The following CHST15 variants were observed in gnomAD, a reference collection of about 807,000 sequenced individuals.
The protein encoded by CHST15 is B cell RAG associated protein (GALNAC4S-6ST).
Under a neutral mutation model 53.6 loss-of-function variants are expected in CHST15, and 30 were observed. The observed-to-expected ratio is 0.56, with a 90% CI of 0.42 to 0.76. The LOEUF (loss-of-function observed/expected upper bound fraction) is 0.76, where lower values mean the gene tolerates loss of function less well. Among genes scored for constraint, CHST15 ranks in the 30% least tolerant of loss-of-function variants. The probability of loss-of-function intolerance (pLI) is 0.00; values close to 1 mark genes in which losing one functional copy is unlikely to be tolerated. For synonymous variants in CHST15, 296 were observed against 289.8 expected, an observed-to-expected ratio of 1.02 and a Z score of -0.22; for missense variants, 627 against 740.5, an observed-to-expected ratio of 0.85 and a Z score of 1.78.
chr10:124,045,578 C>T, intron 2 of CHST15, 89 bp downstream of exon 2: 1 of 1,307,268 alleles, frequency 7.6e-7, no homozygotes, highest in Non-Finnish European at 1.1e-6. Context: ...AGTCATTTTC[C>T]TTCTGTGTTC....
At position 124,036,142 on chromosome 10, in the gene CHST15, G is replaced by A. The variant is rs193166941; in HGVS notation, c.1190+2373C>T. ...GCGCCCTTCAGCTGGGGGCCGTGTCGGGGAGGGAGGCAGAGCAGCTATGCA... is the reference window on the plus strand; with the variant it reads ...GCGCCCTTCAGCTGGGGGCCGTGTCAGGGAGGGAGGCAGAGCAGCTATGCA... On this transcript the variant is annotated intron_variant, in intron 5 of 7. Coordinates refer to ENST00000435907, the MANE Select transcript of CHST15 (RefSeq NM_001270764.2). This position sits in a 1 kb window ranked among gnomAD's most constrained non-coding sequence, Gnocchi z 5.1. 1.3e-3 allele frequency among the ~76,000 whole-genome samples: 195 copies of A among 152,356 alleles called. 1 individual carries two copies. Among genetic ancestry groups the A allele is most frequent in the African/African-American group, 4.5e-3 (188 of 41,586 alleles).
chr10:124,082,034 G>T (rs376733893), intron 1 of CHST15, among the ~76,000 whole-genome samples: 5 of 152,220 alleles, frequency 3.3e-5, no homozygotes, highest in Admixed American at 2.0e-4. Flanking sequence ...ACAAGGTGCT[G>T]TTCTTATTCG....
At chr10:124,067,620 G>T (rs4929793) in intron 1 of CHST15, among the ~76,000 whole-genome samples, 104,925 of 152,132 alleles carry the variant, frequency 0.69, 36,539 homozygotes, top group African/African-American at 0.78. Context: ...TGGTTTTTGT[G>T]TTTTTGGTTT....
chr10:124,068,603 A>G (rs1178389996), intron 1 of CHST15, among the ~76,000 whole-genome samples: 3 of 152,228 alleles, frequency 2.0e-5, no homozygotes, highest in Non-Finnish European at 2.9e-5. Flanking sequence ...TCCGAAATGA[A>G]TTACTTTGCT....
chr10:124,070,546 T>C (rs533120040), intron 1 of CHST15, among the ~76,000 whole-genome samples: 2 of 148,216 alleles, frequency 1.3e-5, no homozygotes, highest in Admixed American at 1.3e-4. Context: ...GCTCAGCTGA[T>C]TTTTTTTTTA....
At chr10:124,088,510 T>C (rs186370955) in intron 1 of CHST15, among the ~76,000 whole-genome samples, 1 of 152,284 alleles carries the variant, frequency 6.6e-6, no homozygotes, top group Admixed American at 6.5e-5. Context: ...ACTTAACCAC[T>C]TGCTGATTCA....
At position 124,020,689 on chromosome 10, in the gene CHST15, G is replaced by A. The variant is rs1946746326; in HGVS notation, c.1347+567C>T. ...ACAGCCAGCCCAGGGAGCCCAGCAT[G>A]GAAAACTATCCCGGGGCTAAAAGGT... is the stretch of plus-strand genomic sequence containing the variant. On this transcript the variant is annotated intron_variant, in intron 6 of 7. Transcript: ENST00000435907. 20 of 996,912 alleles carry A rather than the reference G, an allele frequency of 2.0e-5. No homozygotes were observed. In the South Asian group the frequency reaches 4.5e-4, roughly 22 times the overall value. The allele number at this position is 996,912 out of a possible 1,614,324, so 61.8% of individuals were successfully genotyped here.
intron 1 of CHST15, among the ~76,000 whole-genome samples, chr10:124,091,141 G>A (rs573291841): frequency 2.6e-5 from 4 of 152,290 alleles, no homozygotes; most frequent in Non-Finnish European, 4.4e-5. Context: ...GGAACTTGGG[G>A]GAGAAAAACT....
intron 7 of CHST15, 112 bp downstream of exon 7, chr10:124,012,221 G>T: frequency 7.9e-7 from 1 of 1,272,932 alleles, no homozygotes; most frequent in Non-Finnish European, 1.1e-6. Context: ...AGGCCTCCCA[G>T]CTCAGCCCAT....
At position 124,019,637 on chromosome 10, in the gene CHST15, G is replaced by A. The variant is rs76787698; in HGVS notation, c.1347+1619C>T. The stretch of plus-strand genomic sequence containing the variant: ...CCCTCCCGGGTTACATGAAATTTAC[G>A]TTAAACAAGTATGTGTGCTTTCTCG... On this transcript the variant is annotated intron_variant, in intron 6 of 7. Transcript: ENST00000435907. The surrounding 1 kb of genome is among the most constrained non-coding windows in gnomAD (Gnocchi z 4.6). 2,607 of 411,572 alleles carry A rather than the reference G, an allele frequency of 6.3e-3. 165 individuals are homozygous for A. The East Asian group carries it at 0.17, about 27-fold the overall frequency. The allele number at this position is 411,572 out of a possible 1,614,324, so 25.5% of individuals were successfully genotyped here. A position where few individuals can be genotyped will look rare whatever the true frequency, so the allele number is the denominator to read the frequency against.
At chr10:124,043,910 C>A (rs1452976760) in intron 3 of CHST15, among the ~76,000 whole-genome samples, 1 of 151,662 alleles carries the variant, frequency 6.6e-6, no homozygotes, top group Non-Finnish European at 1.5e-5. Flanking sequence ...AGCAGGGGAA[C>A]AGCACAGAGC....
At chr10:124,050,179 T>G (rs1411126326) in intron 1 of CHST15, among the ~76,000 whole-genome samples, 2 of 152,160 alleles carry the variant, frequency 1.3e-5, no homozygotes, top group Non-Finnish European at 2.9e-5. Context: ...GAGTCCCTTG[T>G]AAGTGAAGGC....
chr10:124,014,752 G>T (rs1946534171), intron 6 of CHST15, among the ~76,000 whole-genome samples: 1 of 152,220 alleles, frequency 6.6e-6, no homozygotes, highest in Non-Finnish European at 1.5e-5. Flanking sequence ...AAGCAGCCAG[G>T]TGTTTGTGGC....
At chr10:124,054,353 C>T (rs1948303856) in intron 1 of CHST15, among the ~76,000 whole-genome samples, 1 of 152,250 alleles carries the variant, frequency 6.6e-6, no homozygotes, top group Non-Finnish European at 1.5e-5. Flanking sequence ...TTAAAGCACA[C>T]TTGACTCTCT....
intron 7 of CHST15, chr10:124,011,042 G>A: frequency 1.0e-6 from 1 of 983,652 alleles, no homozygotes; most frequent in Non-Finnish European, 1.2e-6. Flanking sequence ...CCGCCCTCTG[G>A]AGTGAGGAGA....
At position 124,008,707 on chromosome 10, in the gene CHST15, C is replaced by T. The variant is rs530219333; in HGVS notation, c.*1442G>A. On this transcript the variant is annotated 3_prime_UTR_variant, in exon 8 of 8. Transcript: ENST00000435907. ...CACATACAAGTTAGAGCTGGGTAGACGGGTGCTTGCACTTTCTGGCTTTGG... is the reference window on the plus strand; with the variant it reads ...CACATACAAGTTAGAGCTGGGTAGATGGGTGCTTGCACTTTCTGGCTTTGG... 6.1e-5 allele frequency: 70 copies of T among 1,147,590 alleles called. No individual in the cohort carries two copies. Among genetic ancestry groups the T allele is most frequent in the Non-Finnish European group, 7.4e-5 (68 of 915,650 alleles). 71.1% of individuals were successfully genotyped at this position (1,147,590 alleles called of 1,614,324 possible). A position where few individuals can be genotyped will look rare whatever the true frequency, so the allele number is the denominator to read the frequency against.
intron 5 of CHST15, among the ~76,000 whole-genome samples, chr10:124,034,231 G>A (rs574203860): frequency 7.2e-5 from 11 of 152,286 alleles, no homozygotes; most frequent in Middle Eastern, 3.4e-3. Context: ...GACCAGGGAG[G>A]CAAGAAGCTT....
At chr10:124,034,965 TCTACCCCCTAATAGGGACCCTGGC>T (rs2133939746) in intron 5 of CHST15, among the ~76,000 whole-genome samples, 1 of 116,808 alleles carries the variant, frequency 8.6e-6, no homozygotes, top group African/African-American at 3.6e-5. Context: ...GGACCCTGGC[TCTACCCCCTAATAGGGACCCTGGC>T]TCTACCCCCT....
intron 5 of CHST15, among the ~76,000 whole-genome samples, chr10:124,035,136 G>A (rs1242527293): frequency 2.1e-4 from 29 of 139,110 alleles, no homozygotes; most frequent in Admixed American, 1.4e-3. Context: ...AGGGACCCCG[G>A]CTCCGCCCCC....
Sources: gnomAD v4.1 joint callset for allele counts (sites outside exome capture counted in the v4.1 genomes callset) on GRCh38, gnomAD v4.1.1 for gene constraint, Gnocchi (gnomAD v3.1) non-coding constraint, MANE v1.5 for transcripts, NCBI Gene and HGNC (gene_info 2026-07-23, HGNC 2026-07-21) for gene names.